MED13: variants seen among roughly 807,000 people sequenced by gnomAD.
MED13 encodes the protein mediator complex subunit 13.
A neutral mutation model predicts 225.2 loss-of-function variants in MED13; 23 were observed. The ratio of observed to expected loss-of-function variants is 0.10; its 90% CI spans 0.07 to 0.14. MED13 has a LOEUF of 0.14. MED13 is among the 10% of genes least tolerant of loss of function. MED13 has a pLI of 1.00. For missense variants in MED13, 2,197 were observed against 2,594.5 expected (o/e 0.85, Z 3.33); for synonymous variants, 942 against 889.2 (o/e 1.06, Z -1.06).
chr17:62,053,458 A>G (rs1249352527), intron 2 of MED13, among the ~76,000 whole-genome samples: 1 of 152,204 alleles, frequency 6.6e-6, no homozygotes, highest in Non-Finnish European at 1.5e-5. Context: ...TACCAAAAAA[A>G]CATTAACACA....
chr17:61,993,967 G>A (rs987278774), intron 10 of MED13, among the ~76,000 whole-genome samples: 11 of 150,842 alleles, frequency 7.3e-5, no homozygotes, highest in South Asian at 4.2e-4. Flanking sequence ...AAACTCACAC[G>A]TATTATTGGA....
intron 8 of MED13, 104 bp downstream of exon 8, chr17:62,029,437 C>A: frequency 1.3e-6 from 1 of 768,842 alleles, no homozygotes; most frequent in Non-Finnish European, 2.0e-6. Context: ...AAAAAAAATC[C>A]TGACATATGT....
intron 3 of MED13, among the ~76,000 whole-genome samples, chr17:62,046,970 C>T (rs923365793): frequency 6.6e-6 from 1 of 151,616 alleles, no homozygotes; most frequent in Non-Finnish European, 1.5e-5. Flanking sequence ...ATCCTCCCAC[C>T]TCAGTCTTCA....
At chr17:62,022,764 C>T (rs1037057230) in intron 8 of MED13, among the ~76,000 whole-genome samples, 1 of 152,118 alleles carries the variant, frequency 6.6e-6, no homozygotes, top group Non-Finnish European at 1.5e-5. Flanking sequence ...AATCTCAGCA[C>T]TTTGGGAGGC....
intron 27 of MED13, 45 bp downstream of exon 27, chr17:61,952,920 C>G: frequency 1.3e-6 from 2 of 1,589,612 alleles, no homozygotes; most frequent in Non-Finnish European, 8.6e-7. Flanking sequence ...TAGGCGTAAG[C>G]CACTGCGCCC....
At chr17:62,054,929 C>T (rs2080984916) in intron 2 of MED13, among the ~76,000 whole-genome samples, 1 of 152,162 alleles carries the variant, frequency 6.6e-6, no homozygotes, top group Non-Finnish European at 1.5e-5. Flanking sequence ...GCATCAAAGA[C>T]CCAAGACACA....
At chr17:62,051,792 C>T (rs1162219994) in intron 3 of MED13, among the ~76,000 whole-genome samples, 4 of 152,210 alleles carry the variant, frequency 2.6e-5, no homozygotes, top group African/African-American at 9.6e-5. Context: ...TTTCTCTTCC[C>T]CACATCCCAA....
intron 3 of MED13, among the ~76,000 whole-genome samples, chr17:62,049,874 G>C (rs2080939666): frequency 6.8e-6 from 1 of 148,122 alleles, no homozygotes; most frequent in Non-Finnish European, 1.5e-5. Flanking sequence ...AGCTTGCAGT[G>C]AGCTGAGATC....
chr17:61,942,662 T>A lies in MED13; in HGVS notation c.*3806A>T, dbSNP rs190038315. On this transcript the variant is annotated 3_prime_UTR_variant, in exon 30 of 30. Transcript: ENST00000397786. ...AGTTTTGTTTTTTGTTTTTGTTTTT[T>A]TTTTTTTAAAAAGTATAAACCTTTT... is the stretch of plus-strand genomic sequence containing the variant. 1.3e-5 allele frequency: 2 copies of A among 152,108 alleles called. No homozygotes were observed. The highest frequency in any genetic ancestry group is 2.4e-5 in the African/African-American group (1 of 41,242). 9.4% of individuals were successfully genotyped at this position (152,108 alleles called of 1,614,324 possible).
intron 9 of MED13, among the ~76,000 whole-genome samples, chr17:61,996,147 AGGATAAAAGAG>A (rs1297638608): frequency 6.6e-6 from 1 of 152,218 alleles, no homozygotes; most frequent in African/African-American, 2.4e-5. Context: ...CTGAAATCTA[AGGATAAAAGAG>A]GGATGCCACA....
chr17:62,027,155 T>G (rs1269468611), intron 8 of MED13, among the ~76,000 whole-genome samples: 1 of 152,198 alleles, frequency 6.6e-6, no homozygotes, highest in Non-Finnish European at 1.5e-5. Flanking sequence ...AGAACAATGC[T>G]GGAGGCATCA....
At chr17:61,966,722 A>G (rs937087818) in intron 18 of MED13, 71 bp from the exon 19 acceptor site, 1 of 987,718 alleles carries the variant, frequency 1.0e-6, no homozygotes, top group African/African-American at 1.7e-5. Flanking sequence ...TATAAAACCA[A>G]CCATGAAAGC....
At chr17:62,009,932 C>G (rs1043332025) in intron 9 of MED13, among the ~76,000 whole-genome samples, 1 of 151,872 alleles carries the variant, frequency 6.6e-6, no homozygotes, top group African/African-American at 2.4e-5. Context: ...TAATAAGTAC[C>G]AAATTGAGGC....
intron 8 of MED13, among the ~76,000 whole-genome samples, chr17:62,026,775 C>T (rs1567986948): frequency 6.6e-6 from 1 of 152,100 alleles, no homozygotes; most frequent in South Asian, 2.1e-4. Context: ...AAATCACTAG[C>T]ATCCCTATAT....
intron 9 of MED13, among the ~76,000 whole-genome samples, chr17:62,009,600 G>A (rs2080486810): frequency 6.6e-6 from 1 of 152,166 alleles, no homozygotes; most frequent in African/African-American, 2.4e-5. Flanking sequence ...TAGTGCAACA[G>A]CCATTCTCAT....
At chr17:61,973,694 T>C (rs911748115) in intron 16 of MED13, among the ~76,000 whole-genome samples, 3 of 152,150 alleles carry the variant, frequency 2.0e-5, no homozygotes, top group African/African-American at 7.2e-5. Flanking sequence ...ACCTAAAAAG[T>C]GTAGTGGCTG....
intron 27 of MED13, 56 bp downstream of exon 27, chr17:61,952,909 T>A (rs2079908976): frequency 1.3e-6 from 2 of 1,565,348 alleles, no homozygotes; most frequent in South Asian, 2.4e-5. Context: ...TGCTGGGATT[T>A]TAGGCGTAAG....
At chr17:61,992,214 GTGCCTTC>G in intron 11 of MED13, among the ~76,000 whole-genome samples, 1 of 152,078 alleles carries the variant, frequency 6.6e-6, no homozygotes, top group South Asian at 2.1e-4. Flanking sequence ...CAGTCAATAT[GTGCCTTC>G]ATTCTTTTAC....
intron 16 of MED13, among the ~76,000 whole-genome samples, chr17:61,973,119 T>G (rs1024890211): frequency 1.3e-5 from 2 of 151,390 alleles, no homozygotes; most frequent in African/African-American, 4.9e-5. Flanking sequence ...TGTAACTTAT[T>G]TCCATAAAAA....
Sources: gnomAD v4.1 joint callset for allele counts (sites outside exome capture counted in the v4.1 genomes callset) on GRCh38, gnomAD v4.1.1 for gene constraint, MANE v1.5 for transcripts, NCBI Gene and HGNC (gene_info 2026-07-23, HGNC 2026-07-21) for gene names.